Variants in SLC41A2 observed in about 807,000 individuals in gnomAD.
SLC41A2 encodes SLC41A1-like 1.
In SLC41A2, 32 loss-of-function variants were observed where a neutral mutation model predicts 58.3. The observed-to-expected ratio is 0.55, with a 90% CI of 0.41 to 0.74. The LOEUF (loss-of-function observed/expected upper bound fraction) is 0.74, where lower values mean the gene tolerates loss of function less well. Ranked by LOEUF, SLC41A2 falls within the 30% of genes least tolerant of loss-of-function variation. SLC41A2 has a pLI of 0.00. For synonymous variants in SLC41A2, 190 were observed against 235.0 expected (o/e 0.81, Z 1.75); for missense variants, 514 against 680.6 (o/e 0.76, Z 2.72).
chr12:104,897,489 G>C (rs1009801905), intron 3 of SLC41A2, among the ~76,000 whole-genome samples: 17 of 151,748 alleles, frequency 1.1e-4, no homozygotes, highest in African/African-American at 4.1e-4. Context: ...ATGATCTCTA[G>C]GGTGGTACTA....
intron 10 of SLC41A2, among the ~76,000 whole-genome samples, 155 bp from the exon 11 acceptor site, chr12:104,805,492 A>G (rs1435167902): frequency 6.6e-6 from 1 of 152,198 alleles, no homozygotes; most frequent in Non-Finnish European, 1.5e-5. Flanking sequence ...TGACAAGAAT[A>G]CTTTCATTTC....
intron 10 of SLC41A2, among the ~76,000 whole-genome samples, chr12:104,811,351 G>A (rs1339908944): frequency 6.6e-6 from 1 of 152,068 alleles, no homozygotes; most frequent in Non-Finnish European, 1.5e-5. Flanking sequence ...AAATGAAAAT[G>A]AACTATATAA....
intron 3 of SLC41A2, among the ~76,000 whole-genome samples, chr12:104,896,023 A>G (rs1002879281): frequency 6.6e-6 from 1 of 152,212 alleles, no homozygotes; most frequent in Non-Finnish European, 1.5e-5. Flanking sequence ...AAGTTTTTCT[A>G]AAGTAGTTGT....
chr12:104,909,730 A>G lies in SLC41A2; in HGVS notation c.588T>C (p.Val196=), dbSNP rs1565893916. 6.2e-7 allele frequency: 1 copy of G among 1,609,082 alleles called. No homozygotes were observed. The highest frequency in any genetic ancestry group is 8.5e-7 in the Non-Finnish European group (1 of 1,178,608). Residue 196 remains valine, a synonymous_variant, in exon 3 of 11, where the codon GTT becomes GTC. Transcript: ENST00000258538. ...HWEVFRKVTE[V]FILVPALLGL... ...CAAGAAGTGCAGGGACTAAAATGAA[A>G]ACTTCTGTAACTTTTCTGAACACCT... is the stretch of plus-strand genomic sequence containing the variant.
chr12:104,853,924 T>A (rs1342472978), intron 8 of SLC41A2, among the ~76,000 whole-genome samples: 7 of 136,658 alleles, frequency 5.1e-5, no homozygotes, highest in Non-Finnish European at 9.5e-5. Flanking sequence ...TTTTTTTTTT[T>A]TTTTTTTTTT....
chr12:104,860,171 A>T (rs1171012775), intron 8 of SLC41A2, among the ~76,000 whole-genome samples: 1 of 152,102 alleles, frequency 6.6e-6, no homozygotes, highest in Non-Finnish European at 1.5e-5. Context: ...CTTAAAATCT[A>T]CTTTAGTGTT....
rs1307195724 is a variant in SLC41A2 at position 104,802,840 on chromosome 12, T to G, written c.*2312A>C. 6.6e-6 allele frequency: 1 copy of G among 152,126 alleles called. No homozygotes were observed. The highest frequency in any genetic ancestry group is 2.4e-5 in the African/African-American group (1 of 41,432). The allele number at this position is 152,126 out of a possible 1,614,324, so 9.4% of individuals were successfully genotyped here. On this transcript the variant is annotated 3_prime_UTR_variant, in exon 11 of 11. Transcript: ENST00000258538. ...TGCAGTTGGCTTCCTCTCAGTGAATTAGTTAGGTAGTTTTGGTACATTTGG... is the reference window on the plus strand; with the variant it reads ...TGCAGTTGGCTTCCTCTCAGTGAATGAGTTAGGTAGTTTTGGTACATTTGG...
chr12:104,957,688 G>A (rs2048218808), intron 1 of SLC41A2, among the ~76,000 whole-genome samples: 1 of 152,236 alleles, frequency 6.6e-6, no homozygotes, highest in Admixed American at 6.5e-5. Flanking sequence ...TGAAAGAAAA[G>A]GGTGACGGGG....
intron 9 of SLC41A2, among the ~76,000 whole-genome samples, chr12:104,845,133 T>TA (rs1382130947): frequency 7.3e-5 from 11 of 150,682 alleles, no homozygotes; most frequent in Non-Finnish European, 1.3e-4. Flanking sequence ...AAAATAAAGA[T>TA]AAAAAAAAAT....
chr12:104,909,985 T>C (rs1327860206), intron 2 of SLC41A2, among the ~76,000 whole-genome samples: 1 of 152,170 alleles, frequency 6.6e-6, no homozygotes, highest in East Asian at 1.9e-4. Context: ...GGTCAGCTGA[T>C]ATGTTGCTAC....
intron 2 of SLC41A2, among the ~76,000 whole-genome samples, chr12:104,915,040 G>C (rs531708071): frequency 6.6e-5 from 10 of 152,184 alleles, no homozygotes; most frequent in Non-Finnish European, 1.2e-4. Context: ...ATGACTTCTT[G>C]TCATACCTAA....
At chr12:104,905,037 C>T (rs905278098) in intron 3 of SLC41A2, among the ~76,000 whole-genome samples, 10 of 151,896 alleles carry the variant, frequency 6.6e-5, no homozygotes, top group South Asian at 2.1e-4. Context: ...TTTGTCAGGG[C>T]ACTGATTGGT....
At chr12:104,887,568 C>CT (rs1236068611) in intron 5 of SLC41A2, among the ~76,000 whole-genome samples, 1 of 151,788 alleles carries the variant, frequency 6.6e-6, no homozygotes, top group East Asian at 1.9e-4. Flanking sequence ...TAGCAGAAAA[C>CT]TTTTTAAAAA....
intron 2 of SLC41A2, among the ~76,000 whole-genome samples, chr12:104,918,484 T>C (rs1482393489): frequency 6.6e-6 from 1 of 152,154 alleles, no homozygotes; most frequent in Non-Finnish European, 1.5e-5. Context: ...AATCTGTGTG[T>C]ACCTACAGTG....
intron 1 of SLC41A2, among the ~76,000 whole-genome samples, chr12:104,933,702 C>T (rs1370643796): frequency 3.9e-5 from 6 of 151,982 alleles, no homozygotes; most frequent in African/African-American, 1.4e-4. Context: ...CACACACACA[C>T]ACCCATATAT....
chr12:104,888,964 T>C, intron 5 of SLC41A2, 69 bp downstream of exon 5: 18 of 1,401,482 alleles, frequency 1.3e-5, no homozygotes, highest in Non-Finnish European at 1.4e-5. Flanking sequence ...TAAATAAAAA[T>C]AGTCATCTTA....
intron 8 of SLC41A2, among the ~76,000 whole-genome samples, chr12:104,849,191 A>G (rs1405586034): frequency 2.6e-5 from 4 of 152,248 alleles, no homozygotes; most frequent in African/African-American, 7.2e-5. Flanking sequence ...ATGTTGACAA[A>G]TCTGACTACA....
intron 4 of SLC41A2, among the ~76,000 whole-genome samples, chr12:104,893,070 C>T (rs2045096248): frequency 6.6e-6 from 1 of 152,112 alleles, no homozygotes; most frequent in African/African-American, 2.4e-5. Context: ...AGACAACCCA[C>T]AGAATGGGAG....
At chr12:104,890,344 T>G (rs188863633) in intron 4 of SLC41A2, among the ~76,000 whole-genome samples, 187 of 152,300 alleles carry the variant, frequency 1.2e-3, no homozygotes, top group Middle Eastern at 6.8e-3. Flanking sequence ...AGCACCATGA[T>G]GAGTGTAGCA....
Sources: allele counts gnomAD v4.1 joint callset (sites outside exome capture counted in the v4.1 genomes callset), GRCh38; gene constraint gnomAD v4.1.1; transcripts MANE v1.5; gene names NCBI Gene and HGNC (gene_info 2026-07-23, HGNC 2026-07-21).